The following DRAXIN variants were observed in gnomAD, a reference collection of about 807,000 sequenced individuals.
DRAXIN encodes the protein dorsal repulsive axon guidance protein.
In DRAXIN, 27 loss-of-function variants were observed where a neutral mutation model predicts 33.9. The observed-to-expected ratio is 0.80, with a 90% CI of 0.59 to 1.10. The LOEUF (loss-of-function observed/expected upper bound fraction) is 1.10, where lower values mean the gene tolerates loss of function less well. Among genes scored for constraint, DRAXIN ranks in the 50% least tolerant of loss-of-function variants. The pLI, the probability that DRAXIN is intolerant of heterozygous loss-of-function variation, is 0.00. For missense variants in DRAXIN, 371 were observed against 460.8 expected, an observed-to-expected ratio of 0.81 and a Z score of 1.78; for synonymous variants, 178 against 194.0, an observed-to-expected ratio of 0.92 and a Z score of 0.69.
intron 5 of DRAXIN, among the ~76,000 whole-genome samples, chr1:11,713,519 G>A (rs6666709): frequency 0.015 from 2,288 of 152,308 alleles, 72 homozygotes; most frequent in African/African-American, 0.053. Flanking sequence ...GAAGCCGGAC[G>A]TTGTAACTAA....
intron 1 of DRAXIN, among the ~76,000 whole-genome samples, chr1:11,697,340 T>C (rs1297056759): frequency 1.3e-5 from 2 of 152,262 alleles, no homozygotes; most frequent in Non-Finnish European, 2.9e-5. Flanking sequence ...ACTGTGTCTT[T>C]GCTGGCAGAT....
intron 3 of DRAXIN, among the ~76,000 whole-genome samples, chr1:11,710,936 G>T (rs1207615034): frequency 2.7e-5 from 2 of 72,746 alleles, no homozygotes; most frequent in South Asian, 3.7e-4. Flanking sequence ...AAAAAAAAAA[G>T]GTTTTCAAAC....
At chr1:11,714,676 G>T (rs981085694) in intron 5 of DRAXIN, among the ~76,000 whole-genome samples, 3 of 152,234 alleles carry the variant, frequency 2.0e-5, no homozygotes, top group African/African-American at 4.8e-5. Flanking sequence ...GAAAAGGCCC[G>T]CATTTGGGCC....
chr1:11,701,964 G>T (rs978351144), intron 1 of DRAXIN, among the ~76,000 whole-genome samples: 13 of 152,056 alleles, frequency 8.5e-5, no homozygotes, highest in Non-Finnish European at 1.8e-4. Context: ...TGGGCTTGGA[G>T]AGAGGGGCCC....
Position 11,709,280 on chromosome 1 carries a change from G to T in DRAXIN, c.457G>T (p.Ala153Ser). The T allele has an allele frequency of 6.2e-7, 1 of 1,611,542 alleles. No homozygotes were observed. Among genetic ancestry groups the T allele is most frequent in the Non-Finnish European group, 8.5e-7 (1 of 1,178,574 alleles). ...RDRLRLHQGR[A>S]LVRGPSSLMK... ...CTCCCCACCCTGTGTCTCAGGCCGA[G>T]CCTTGGTCCGAGGTCCCAGCTCCCT... Residue 153 changes from alanine to serine, a missense_variant, in exon 3 of 7, where the codon GCC (alanine) becomes TCC (serine). Physicochemically the swap from Ala to Ser is moderately conservative, Grantham distance 99. Coordinates refer to ENST00000294485, the MANE Select transcript of DRAXIN (RefSeq NM_198545.4).
intron 1 of DRAXIN, among the ~76,000 whole-genome samples, chr1:11,697,902 C>T (rs1176286559): frequency 6.6e-6 from 1 of 152,148 alleles, no homozygotes. Flanking sequence ...TACAGAGCCA[C>T]AGGGAGGCAG....
At chr1:11,703,610 G>T (rs889467264) in intron 1 of DRAXIN, among the ~76,000 whole-genome samples, 2 of 152,212 alleles carry the variant, frequency 1.3e-5, no homozygotes, top group African/African-American at 4.8e-5. Flanking sequence ...GCAGATAAGG[G>T]TCACAACCCG....
upstream of DRAXIN, among the ~76,000 whole-genome samples, chr1:11,688,732 G>A (rs1413799440): frequency 6.6e-6 from 1 of 152,158 alleles, no homozygotes; most frequent in African/African-American, 2.4e-5. The surrounding 1 kb of genome is among the most constrained non-coding windows in gnomAD (Gnocchi z 4.6). Flanking sequence ...TAGGGGCTGG[G>A]TCAAATGGGG....
At position 11,696,883 on chromosome 1, in the gene DRAXIN, C is replaced by A. The variant is rs1010968229; in HGVS notation, c.-11+5030C>A. On this transcript the variant is annotated intron_variant, in intron 1 of 6. Coordinates refer to ENST00000294485, the MANE Select transcript of DRAXIN (RefSeq NM_198545.4). This position sits in a 1 kb window ranked among gnomAD's most constrained non-coding sequence, Gnocchi z 4.7. ...CTCAAAAAACAAAAACAAAACAAAT[C>A]AAAATAGCCAGGCATGGTGGTGCAT... Among the ~76,000 whole-genome samples, 2 of 150,848 alleles carry A rather than the reference C, an allele frequency of 1.3e-5. No individual in the cohort carries two copies. The highest frequency in any genetic ancestry group is 3.0e-5 in the Non-Finnish European group (2 of 67,598).
chr1:11,712,001 G>A (rs767679204), intron 4 of DRAXIN, 36 bp downstream of exon 4: 2 of 1,582,858 alleles, frequency 1.3e-6, no homozygotes, highest in South Asian at 1.1e-5. Context: ...CCATGCCTGG[G>A]TGCCCTGCCC....
intron 2 of DRAXIN, among the ~76,000 whole-genome samples, chr1:11,708,614 T>A (rs753134893): frequency 1.8e-4 from 28 of 152,286 alleles, no homozygotes; most frequent in Middle Eastern, 3.4e-3. Context: ...ACCCTGCTAC[T>A]CATGAGCTGT....
intron 1 of DRAXIN, among the ~76,000 whole-genome samples, chr1:11,697,755 G>A (rs887996446): frequency 5.9e-5 from 9 of 152,132 alleles, no homozygotes; most frequent in Non-Finnish European, 1.2e-4. Flanking sequence ...CAAGGAGGCA[G>A]CAGTCCCCAG....
intron 1 of DRAXIN, among the ~76,000 whole-genome samples, chr1:11,700,820 G>C (rs1641261586): frequency 6.6e-6 from 1 of 152,186 alleles, no homozygotes; most frequent in South Asian, 2.1e-4. Flanking sequence ...GCCATGACTT[G>C]CTCCCCCCAA....
At position 11,706,283 on chromosome 1, in the gene DRAXIN, G is replaced by A. The variant is rs141904724; in HGVS notation, c.25G>A (p.Ala9Thr). The change falls in exon 2 of 7, where the codon GCT becomes ACT. Residue 9 changes from alanine (A) to threonine (T), a missense_variant. Physicochemically the swap from Ala to Thr is moderately conservative, Grantham distance 58. Coordinates refer to ENST00000294485, the MANE Select transcript of DRAXIN (RefSeq NM_198545.4). This position sits in a 1 kb window ranked among gnomAD's most constrained non-coding sequence, Gnocchi z 5.5. MAGPAIHTAPMLFLVLLLP... is the reference protein window; with the variant it reads MAGPAIHTTPMLFLVLLLP... ...AATGGCTGGGCCTGCCATCCACACC[G>A]CTCCCATGCTGTTCCTCGTCCTCCT... 19 of 1,608,938 alleles carry A rather than the reference G, an allele frequency of 1.2e-5. No individual in the cohort carries two copies. The highest frequency in any genetic ancestry group is 1.7e-4 in the Middle Eastern group (1 of 6,032).
chr1:11,688,888 C>T (rs561439998), upstream of DRAXIN, among the ~76,000 whole-genome samples: 5 of 152,322 alleles, frequency 3.3e-5, no homozygotes, highest in East Asian at 9.6e-4. This position sits in a 1 kb window ranked among gnomAD's most constrained non-coding sequence, Gnocchi z 4.6. Context: ...CCACCAAAAG[C>T]AAGATGGCCA....
In DRAXIN at chr1:11,720,613, A is replaced by AAAG. The variant is rs1553171600; in HGVS notation, c.*917_*918insAAG. ...CATCTCAAAAAAAAAAAAAAAAAAA[A>AAAG]GCACATCTGACTCAGTGGGCTCTGT... is the stretch of plus-strand genomic sequence containing the variant. On this transcript the variant is annotated 3_prime_UTR_variant, in exon 7 of 7. Coordinates refer to ENST00000294485, the MANE Select transcript of DRAXIN (RefSeq NM_198545.4). 41,415 of 136,504 alleles carry AAAG rather than the reference A, an allele frequency of 0.3. 7,609 individuals carry two copies. Among genetic ancestry groups the AAAG allele is most frequent in the East Asian group, 0.46 (2,042 of 4,420 alleles). 8.5% of individuals were successfully genotyped at this position (136,504 alleles called of 1,614,324 possible). A position where few individuals can be genotyped will look rare whatever the true frequency, so the allele number is the denominator to read the frequency against.
chr1:11,693,334 C>T (rs560421717), intron 1 of DRAXIN, among the ~76,000 whole-genome samples: 13 of 152,154 alleles, frequency 8.5e-5, no homozygotes, highest in Middle Eastern at 3.4e-3. Context: ...CCTTTAATAG[C>T]GGCACCAGCT....
At chr1:11,716,993 T>C (rs1641587760) in intron 6 of DRAXIN, among the ~76,000 whole-genome samples, 1 of 152,124 alleles carries the variant, frequency 6.6e-6, no homozygotes, top group Non-Finnish European at 1.5e-5. Context: ...TAGAAAATAA[T>C]AAGGGCTATG....
intron 1 of DRAXIN, among the ~76,000 whole-genome samples, chr1:11,693,936 C>T (rs1372081211): frequency 6.6e-6 from 1 of 152,184 alleles, no homozygotes; most frequent in African/African-American, 2.4e-5. Context: ...CTCTGCGTCC[C>T]AGGTTGCAGC....
Sources: gnomAD v4.1 joint callset for allele counts (sites outside exome capture counted in the v4.1 genomes callset) on GRCh38, gnomAD v4.1.1 for gene constraint, Gnocchi (gnomAD v3.1) non-coding constraint, MANE v1.5 for transcripts, NCBI Gene and HGNC (gene_info 2026-07-23, HGNC 2026-07-21) for gene names.